Variants in CDH18 observed in about 807,000 individuals in gnomAD.
CDH18 encodes the protein cadherin 18, also known as cadherin-18.
A neutral mutation model predicts 67.9 loss-of-function variants in CDH18; 31 were observed. The observed-to-expected ratio is 0.46, with a 90% CI of 0.34 to 0.62. The LOEUF (loss-of-function observed/expected upper bound fraction) is 0.62. Among genes scored for constraint, CDH18 ranks in the 20% least tolerant of loss-of-function variants. CDH18 has a pLI of 0.01. For missense variants in CDH18, 890 were observed against 975.5 expected (o/e 0.91, Z 1.17); for synonymous variants, 362 against 347.2 (o/e 1.04, Z -0.48).
chr5:19,560,340 G>C (rs392657), intron 8 of CDH18, among the ~76,000 whole-genome samples: 15,107 of 152,018 alleles, frequency 0.099, 1,047 homozygotes, highest in African/African-American at 0.19. Flanking sequence ...GAACAAAATA[G>C]ATAACCCAGA....
Position 20,119,797 on chromosome 5 carries a change from G to A in CDH18, c.-517-127783C>T, listed in dbSNP as rs181142329. Among the ~76,000 whole-genome samples, 148 of 152,060 alleles carry A rather than the reference G, an allele frequency of 9.7e-4. 1 individual carries two copies. Among genetic ancestry groups the A allele is most frequent in the African/African-American group, 3.4e-3 (141 of 41,488 alleles). ...AAATGGAGTTATTTATTGTAATTAC[G>A]CATGGGAAAAACATCTAGTGAGATT... On this transcript the variant is annotated intron_variant, in intron 2 of 14. Coordinates refer to the CDH18 transcript ENST00000507958.
intron 2 of CDH18, among the ~76,000 whole-genome samples, chr5:19,997,251 T>C (rs893856352): frequency 3.3e-5 from 5 of 152,102 alleles, no homozygotes; most frequent in African/African-American, 1.2e-4. Context: ...CATCAGAATC[T>C]CCAAAGAATG....
At chr5:19,679,179 T>C (rs1759908555) in intron 5 of CDH18, among the ~76,000 whole-genome samples, 6 of 151,996 alleles carry the variant, frequency 3.9e-5, no homozygotes, top group Admixed American at 3.9e-4. Flanking sequence ...ATTCATCACA[T>C]AAACAGAACT....
chr5:19,895,042 G>T (rs1038414115), intron 2 of CDH18, among the ~76,000 whole-genome samples: 3 of 152,030 alleles, frequency 2.0e-5, no homozygotes, highest in African/African-American at 7.2e-5. Context: ...TGGAACCTTG[G>T]ATCTAAATGC....
intron 1 of CDH18, among the ~76,000 whole-genome samples, chr5:20,478,977 T>C (rs564179613): frequency 3.1e-4 from 47 of 152,228 alleles, no homozygotes; most frequent in Middle Eastern, 3.4e-3. Context: ...AGGCAATTCT[T>C]CCGGATCTCA....
At chr5:19,900,485 C>A (rs1443672276) in intron 2 of CDH18, among the ~76,000 whole-genome samples, 4 of 152,058 alleles carry the variant, frequency 2.6e-5, no homozygotes, top group African/African-American at 9.7e-5. Context: ...GATCATTGCA[C>A]AATGTATACA....
intron 1 of CDH18, among the ~76,000 whole-genome samples, chr5:20,475,251 C>T (rs1752358430): frequency 6.6e-6 from 1 of 151,924 alleles, no homozygotes; most frequent in Non-Finnish European, 1.5e-5. Flanking sequence ...ATTATTTATG[C>T]ATGATTCATT....
intron 1 of CDH18, among the ~76,000 whole-genome samples, chr5:20,353,557 A>G (rs910484341): frequency 6.6e-6 from 1 of 152,218 alleles, no homozygotes; most frequent in Admixed American, 6.5e-5. Flanking sequence ...CTAATCCTAC[A>G]TATTGTATTT....
chr5:20,244,147 A>C (rs944267211), intron 2 of CDH18, among the ~76,000 whole-genome samples: 1 of 150,658 alleles, frequency 6.6e-6, no homozygotes, highest in African/African-American at 2.5e-5. Context: ...TATCACCAAC[A>C]AAAAGTTGTC....
At chr5:19,516,019 T>C (rs1180668543) in intron 10 of CDH18, among the ~76,000 whole-genome samples, 1 of 152,202 alleles carries the variant, frequency 6.6e-6, no homozygotes, top group Non-Finnish European at 1.5e-5. Context: ...TTGAGATACA[T>C]TCCATCAATA....
At chr5:19,990,578 G>C (rs779103697), upstream of CDH18, among the ~76,000 whole-genome samples, 1 of 152,128 alleles carries the variant, frequency 6.6e-6, no homozygotes, top group South Asian at 2.1e-4. Context: ...GGAAGGATTT[G>C]TATCTATGAA....
At chr5:19,972,859 T>C (rs746690404) in intron 2 of CDH18, among the ~76,000 whole-genome samples, 5 of 152,002 alleles carry the variant, frequency 3.3e-5, no homozygotes, top group African/African-American at 4.8e-5. Flanking sequence ...TAGTTTTTAA[T>C]AGAAATAGTA....
chr5:19,824,157 A>G (rs963810286), intron 3 of CDH18, among the ~76,000 whole-genome samples: 1 of 152,180 alleles, frequency 6.6e-6, no homozygotes, highest in Non-Finnish European at 1.5e-5. Flanking sequence ...GCACAGTGGA[A>G]TAATATACGT....
intron 5 of CDH18, among the ~76,000 whole-genome samples, chr5:19,671,275 T>G (rs1271331319): frequency 6.6e-6 from 1 of 152,070 alleles, no homozygotes; most frequent in Non-Finnish European, 1.5e-5. Flanking sequence ...CAATCTAAGA[T>G]TATTTAAATA....
intron 2 of CDH18, among the ~76,000 whole-genome samples, chr5:20,083,999 A>G (rs1049059452): frequency 6.6e-6 from 1 of 151,912 alleles, no homozygotes; most frequent in Non-Finnish European, 1.5e-5. Context: ...TCATATCCTC[A>G]CATTTCAAAA....
intron 1 of CDH18, among the ~76,000 whole-genome samples, chr5:20,564,450 T>A (rs1758391883): frequency 6.6e-6 from 1 of 151,908 alleles, no homozygotes; most frequent in Non-Finnish European, 1.5e-5. Context: ...GCTAATTTTT[T>A]GTATTTTCAG....
chr5:19,484,289 A>G (rs1739998158), intron 11 of CDH18, among the ~76,000 whole-genome samples: 1 of 152,194 alleles, frequency 6.6e-6, no homozygotes, highest in East Asian at 1.9e-4. Flanking sequence ...ACTAATTTAA[A>G]AGTAAATAAC....
chr5:20,497,209 T>TA (rs768862447), intron 1 of CDH18, among the ~76,000 whole-genome samples: 16 of 152,074 alleles, frequency 1.1e-4, no homozygotes, highest in Non-Finnish European at 2.2e-4. Flanking sequence ...TGAACCAGGT[T>TA]GTTTTGAGCC....
intron 11 of CDH18, among the ~76,000 whole-genome samples, chr5:19,485,441 G>C (rs1330355029): frequency 6.6e-6 from 1 of 151,996 alleles, no homozygotes; most frequent in Non-Finnish European, 1.5e-5. Context: ...ATTTTTAGTA[G>C]AGACGGGGTT....
Sources: gnomAD v4.1 joint callset for allele counts (sites outside exome capture counted in the v4.1 genomes callset) on GRCh38, gnomAD v4.1.1 for gene constraint, MANE v1.5 for transcripts, NCBI Gene and HGNC (gene_info 2026-07-23, HGNC 2026-07-21) for gene names.